FTCD: variants seen among roughly 807,000 people sequenced by gnomAD.
FTCD encodes the protein formimidoyltransferase-cyclodeaminase.
Under a neutral mutation model 62.9 loss-of-function variants are expected in FTCD, and 76 were observed. That is an observed-to-expected ratio of 1.21 (90% CI 1.00 to 1.46). The LOEUF is 1.46. Ranked by LOEUF, FTCD falls within the 40% of genes most tolerant of loss-of-function variation. The pLI is 0.00. For synonymous variants in FTCD, 397 were observed against 336.9 expected (o/e 1.18, Z -1.95); for missense variants, 845 against 751.3 (o/e 1.12, Z -1.46).
intron 10 of FTCD, among the ~76,000 whole-genome samples, chr21:46,141,438 T>C (rs1261835428): frequency 6.6e-6 from 1 of 152,144 alleles, no homozygotes; most frequent in Non-Finnish European, 1.5e-5. Context: ...TGAGCTATCA[T>C]GCCTGGCCTA....
chr21:46,136,745 C>T, downstream of FTCD: 1 of 1,488,518 alleles, frequency 6.7e-7, no homozygotes, highest in Non-Finnish European at 9.0e-7. Context: ...CAGCTCTCAG[C>T]CCTGCCCCCA....
intron 10 of FTCD, chr21:46,142,573 A>C (rs1171520345): frequency 6.6e-6 from 1 of 152,272 alleles, no homozygotes; most frequent in Non-Finnish European, 1.5e-5. Flanking sequence ...TGAGGAGTGA[A>C]GCTACACACC....
At position 46,152,974 on chromosome 21, in the gene FTCD, G is replaced by GC. The variant is rs1568985177; in HGVS notation, c.299dup (p.Ser100ArgfsTer4). The GC allele has an allele frequency of 3.2e-6, 5 of 1,555,954 alleles. No individual in the cohort carries two copies. In the African/African-American group the frequency reaches 4.1e-5, roughly 13 times the overall value. On this transcript the variant is annotated frameshift_variant, in exon 3 of 14. Coordinates refer to ENST00000397746, the MANE Select transcript of FTCD (RefSeq NM_206965.2). LOFTEE classifies it high-confidence loss of function. ...GGGCGCAGAGCACACACTCATCCAC[G>GC]CTGACGCCCCTCACGGGGATGAAGG...
chr21:46,150,963 A>G (rs1424204790), intron 5 of FTCD, among the ~76,000 whole-genome samples: 1 of 152,218 alleles, frequency 6.6e-6, no homozygotes, highest in Non-Finnish European at 1.5e-5. Context: ...CCGGGGCCTA[A>G]AGCAGGACTT....
intron 3 of FTCD, 108 bp downstream of exon 3, chr21:46,152,799 G>A: frequency 1.1e-6 from 1 of 935,460 alleles, no homozygotes; most frequent in East Asian, 2.7e-5. Flanking sequence ...GGAACACTCT[G>A]CCCTTGCAAG....
At chr21:46,155,088 G>A (rs1227948407) in intron 1 of FTCD, among the ~76,000 whole-genome samples, 2 of 152,206 alleles carry the variant, frequency 1.3e-5, no homozygotes, top group African/African-American at 4.8e-5. Context: ...AGGCGGCAGT[G>A]GGGACCATGC....
intron 10 of FTCD, among the ~76,000 whole-genome samples, chr21:46,144,023 A>G (rs972435475): frequency 1.2e-4 from 18 of 152,076 alleles, no homozygotes; most frequent in African/African-American, 4.4e-4. Flanking sequence ...AATCTTTCTA[A>G]AAAGAGGATT....
chr21:46,151,704 G>A lies in FTCD; in HGVS notation c.490C>T (p.Pro164Ser). 1.9e-6 allele frequency: 3 copies of A among 1,612,986 alleles called. No individual in the cohort carries two copies. Among genetic ancestry groups the A allele is most frequent in the Non-Finnish European group, 2.5e-6 (3 of 1,179,970 alleles). ...QQADWAPDFG[P>S]SSFVPSWGAT... ...CCCCAACTGGGGACAAAGGAGCTGG[G>A]ACCAAAGTCGGGCGCCCAGTCGGCC... The change falls in exon 5 of 14, where the codon CCC (proline) becomes TCC (serine). Residue 164 changes from proline to serine, a missense_variant. Physicochemically the swap from Pro to Ser is moderately conservative, Grantham distance 74. Transcript: ENST00000397746.
At chr21:46,151,852 C>T (rs1296305022) in intron 4 of FTCD, 40 bp downstream of exon 4, 2 of 1,552,500 alleles carry the variant, frequency 1.3e-6, no homozygotes, top group African/African-American at 2.7e-5. Context: ...AGGGGCAGGT[C>T]CACCTCCTTC....
chr21:46,137,682 G>A (rs976256812), intron 12 of FTCD, among the ~76,000 whole-genome samples: 1 of 152,136 alleles, frequency 6.6e-6, no homozygotes, highest in African/African-American at 2.4e-5. Flanking sequence ...CACTGCCCAG[G>A]GACACTTCCC....
Position 46,145,870 on chromosome 21 carries a change from G to C in FTCD, c.1046C>G (p.Ala349Gly), listed in dbSNP as rs2079134733. ...GCCGCCCCCGGGGGCCGCAGAGCGGGCACCCACCTCCCCCACGAAGGCGCG... is the reference window on the plus strand; with the variant it reads ...GCCGCCCCCGGGGGCCGCAGAGCGGCCACCCACCTCCCCCACGAAGGCGCG... The part of the protein sequence containing the change: ...SLRAFVGEVG[A>G]RSAAPGGGSV... The change falls in exon 9 of 14, where the codon GCC becomes GGC. Residue 349 changes from alanine to glycine, a missense_variant. Ala to Gly is a moderately conservative substitution (Grantham distance 60). Transcript: ENST00000397746. 2 of 1,322,144 alleles carry C rather than the reference G, an allele frequency of 1.5e-6. No homozygotes were observed. The highest frequency in any genetic ancestry group is 2.2e-5 in the African/African-American group (1 of 44,504). 81.9% of individuals were successfully genotyped at this position (1,322,144 alleles called of 1,614,324 possible).
At position 46,152,872 on chromosome 21, in the gene FTCD, G is replaced by A; in HGVS notation, c.367+35C>T. ...GCCAATAACCCACACCAATGAGACG[G>A]GAGCAGAGTGAGGGGGGCGGGGGGG... On this transcript the variant is annotated intron_variant, in intron 3 of 13. Transcript: ENST00000397746. The A allele has an allele frequency of 3.9e-6, 6 of 1,539,090 alleles. 1 individual carries two copies. The highest frequency in any genetic ancestry group is 5.3e-6 in the Non-Finnish European group (6 of 1,135,608).
chr21:46,145,917 TCGCTCAGGCCCG>T lies in FTCD; in HGVS notation c.987_998del (p.Pro331_Gly334del), dbSNP rs754868560. On this transcript the variant is annotated inframe_deletion, in exon 9 of 14. Coordinates refer to ENST00000397746, the MANE Select transcript of FTCD (RefSeq NM_206965.2). ...CGCGCAGGGACTTGCTGCCCAGGCC[TCGCTCAGGCCCG>T]CGCTCAGGGACCAGGTACCTGCAGG... 1 of 1,500,826 alleles carries T rather than the reference TCGCTCAGGCCCG, an allele frequency of 6.7e-7. No homozygotes were observed. Among genetic ancestry groups the T allele is most frequent in the Non-Finnish European group, 8.8e-7 (1 of 1,132,210 alleles). The allele number at this position is 1,500,826 out of a possible 1,614,324, so 93.0% of individuals were successfully genotyped here. A position where few individuals can be genotyped will look rare whatever the true frequency, so the allele number is the denominator to read the frequency against.
At chr21:46,136,778 G>A (rs775316786), downstream of FTCD, 40 of 1,516,192 alleles carry the variant, frequency 2.6e-5, no homozygotes, top group Admixed American at 2.1e-5. Context: ...CACAACACAG[G>A]TTTGGTGCCA....
At chr21:46,146,645 C>A (rs936895002) in intron 7 of FTCD, 22 of 504,222 alleles carry the variant, frequency 4.4e-5, no homozygotes, top group Non-Finnish European at 6.1e-5. Context: ...TCATGCTTCG[C>A]CGCCCCCCAG....
At position 46,138,649 on chromosome 21, in the gene FTCD, G is replaced by A. The variant is rs1232045003; in HGVS notation, c.1305-3C>T. The A allele has an allele frequency of 1.9e-6, 3 of 1,595,980 alleles. No individual in the cohort carries two copies. Among genetic ancestry groups the A allele is most frequent in the Non-Finnish European group, 8.5e-7 (1 of 1,178,000 alleles). On this transcript the variant is annotated splice_region_variant and splice_polypyrimidine_tract_variant and intron_variant, in intron 11 of 13. Transcript: ENST00000397746. Reference sequence around the variant, plus strand: ...CCTCCTGTAGGGCCGCCGTGCGCCTGAAAGGAGCAAGAGGAGAGCCTGAGC... The same window carrying A: ...CCTCCTGTAGGGCCGCCGTGCGCCTAAAAGGAGCAAGAGGAGAGCCTGAGC...
Position 46,145,437 on chromosome 21 carries a change from C to T in FTCD, c.1240G>A (p.Glu414Lys), listed in dbSNP as rs1175550837. Residue 414 changes from glutamate to lysine, a missense_variant, in exon 10 of 14, where the codon GAG (glutamate) becomes AAG (lysine). Transcript: ENST00000397746. ...KLTTLVDADA[E>K]AFTAYLEAMR... ...CTCACCAGGTAGGCGGTGAAGGCCT[C>T]GGCGTCGGCATCCACCAGCGTGGTT... 4.5e-6 allele frequency: 7 copies of T among 1,555,732 alleles called. No homozygotes were observed. Among genetic ancestry groups the T allele is most frequent in the African/African-American group, 4.1e-5 (3 of 73,366 alleles).
At chr21:46,146,380 A>G in intron 7 of FTCD, 53 bp from the exon 8 acceptor site, 1 of 1,260,552 alleles carries the variant, frequency 7.9e-7, no homozygotes, top group Non-Finnish European at 1.1e-6. Flanking sequence ...CACCACCAGG[A>G]AAGCCTCGGA....
Position 46,136,967 on chromosome 21 carries a change from C to G in FTCD, c.*20G>C, listed in dbSNP as rs767290412. The G allele has an allele frequency of 3.7e-6, 6 of 1,612,932 alleles. No homozygotes were observed. The highest frequency in any genetic ancestry group is 4.2e-6 in the Non-Finnish European group (5 of 1,179,962). ...TGGGCGAGGGAGGGGCCACAGAGCC[C>G]GGAGAGGCCTCCCGCACCGTCACTC... On this transcript the variant is annotated 3_prime_UTR_variant, in exon 14 of 14. Coordinates refer to ENST00000397746, the MANE Select transcript of FTCD (RefSeq NM_206965.2).
Sources: gnomAD v4.1 joint callset for allele counts (sites outside exome capture counted in the v4.1 genomes callset) on GRCh38, gnomAD v4.1.1 for gene constraint, MANE v1.5 for transcripts, NCBI Gene and HGNC (gene_info 2026-07-23, HGNC 2026-07-21) for gene names.